PIEZO2: variants seen among roughly 807,000 people sequenced by gnomAD.
PIEZO2 encodes the protein piezo type mechanosensitive ion channel component 2.
In PIEZO2, 172 loss-of-function variants were observed where a neutral mutation model predicts 337.3. That is an observed-to-expected ratio of 0.51 (90% CI 0.45 to 0.58). The LOEUF (loss-of-function observed/expected upper bound fraction) is 0.58. PIEZO2 is among the 20% of genes least tolerant of loss of function. The pLI is 0.00. For missense variants in PIEZO2, 3,028 were observed against 3,391.3 expected, an observed-to-expected ratio of 0.89 and a Z score of 2.66; for synonymous variants, 1,251 against 1,228.5, an observed-to-expected ratio of 1.02 and a Z score of -0.38.
chr18:10,908,519 C>G (rs202196171), intron 4 of PIEZO2: 1 of 152,122 alleles, frequency 6.6e-6, no homozygotes, highest in Non-Finnish European at 1.5e-5. Context: ...AGAAAAAAGA[C>G]AAGCCATATA....
Position 11,078,054 on chromosome 18 carries a change from A to ACC in PIEZO2, c.65-11833_65-11832insGG, listed in dbSNP as rs1402195293. ...CACACACCCACACACACCCACACAC[A>ACC]CACACACACACACCACACACACAAA... On this transcript the variant is annotated intron_variant, in intron 1 of 55. Coordinates refer to ENST00000674853, the MANE Select transcript of PIEZO2 (RefSeq NM_001378183.1). The surrounding 1 kb of genome is among the most constrained non-coding windows in gnomAD (Gnocchi z 5.3). Among the ~76,000 whole-genome samples the ACC allele has an allele frequency of 6.6e-6, 1 of 151,090 alleles. No individual in the cohort carries two copies. Among genetic ancestry groups the ACC allele is most frequent in the Admixed American group, 6.6e-5 (1 of 15,134 alleles).
rs1202130151 is a variant in PIEZO2, at chr18:10,982,369, T to C, written c.161-2709A>G. ...CTTAAGACCGTTCTTGACAAAATTGTAAAAAAAAAATAGAAAAACAAATAA... is the reference window on the plus strand; with the variant it reads ...CTTAAGACCGTTCTTGACAAAATTGCAAAAAAAAAATAGAAAAACAAATAA... On this transcript the variant is annotated intron_variant, in intron 2 of 55. Transcript: ENST00000674853. The surrounding 1 kb of genome is among the most constrained non-coding windows in gnomAD (Gnocchi z 4.1). Among the ~76,000 whole-genome samples the C allele has an allele frequency of 6.7e-6, 1 of 148,568 alleles. No homozygotes were observed.
Position 10,943,440 on chromosome 18 carries a change from G to A in PIEZO2, c.287-32212C>T, listed in dbSNP as rs186118714. 1.6e-3 allele frequency among the ~76,000 whole-genome samples: 251 copies of A among 152,262 alleles called. No individual in the cohort carries two copies. The highest frequency in any genetic ancestry group is 3.4e-3 in the Middle Eastern group (1 of 294). ...ACATCGAGTCACAGGAGACCATTTC[G>A]GAGCTTTAAGATTTGACTGCCCTGC... is the stretch of plus-strand genomic sequence containing the variant. On this transcript the variant is annotated intron_variant, in intron 3 of 55. Transcript: ENST00000674853. The surrounding 1 kb of genome is among the most constrained non-coding windows in gnomAD (Gnocchi z 4.5).
rs2039353415 is a variant in PIEZO2, at chr18:11,099,602, G to A, written c.65-33380C>T. On this transcript the variant is annotated intron_variant, in intron 1 of 55. Coordinates refer to ENST00000674853, the MANE Select transcript of PIEZO2 (RefSeq NM_001378183.1). The surrounding 1 kb of genome is among the most constrained non-coding windows in gnomAD (Gnocchi z 5.4). Reference sequence around the variant, plus strand: ...TGGCCTTAGCCTCCCGAGTAGCGGGGATCACAGGTGCCTGCCACCATGCCT... The same window carrying A: ...TGGCCTTAGCCTCCCGAGTAGCGGGAATCACAGGTGCCTGCCACCATGCCT... Among the ~76,000 whole-genome samples, 1 of 152,214 alleles carries A rather than the reference G, an allele frequency of 6.6e-6. No homozygotes were observed. The highest frequency in any genetic ancestry group is 2.4e-5 in the African/African-American group (1 of 41,452).
intron 45 of PIEZO2, among the ~76,000 whole-genome samples, 194 bp downstream of exon 45, chr18:10,697,554 A>G (rs2035149093): frequency 6.6e-6 from 1 of 152,262 alleles, no homozygotes; most frequent in African/African-American, 2.4e-5. Context: ...AATGCAATGG[A>G]TATAAAATGA....
At chr18:10,918,391 T>C (rs1276192894) in intron 3 of PIEZO2, among the ~76,000 whole-genome samples, 1 of 152,138 alleles carries the variant, frequency 6.6e-6, no homozygotes, top group Non-Finnish European at 1.5e-5. Flanking sequence ...ATCATAAATA[T>C]CTAGATGGCA....
rs76618817 is a variant in PIEZO2 at position 10,954,088 on chromosome 18, T to G, written c.286+25447A>C. On this transcript the variant is annotated intron_variant, in intron 3 of 55. Transcript: ENST00000674853. This position sits in a 1 kb window ranked among gnomAD's most constrained non-coding sequence, Gnocchi z 4.2. ...GTGAAATTTTAGGCCTTACACTATA[T>G]AACTCAGTCTTGAAATCAGATAGTG... Among the ~76,000 whole-genome samples the G allele has an allele frequency of 0.098, 14,956 of 152,292 alleles. 929 individuals are homozygous for G. Among genetic ancestry groups the G allele is most frequent in the East Asian group, 0.18 (952 of 5,182 alleles).
rs965258875 is a variant in PIEZO2, at chr18:11,112,223, A to G, written c.64+36302T>C. On this transcript the variant is annotated intron_variant, in intron 1 of 55. Coordinates refer to ENST00000674853, the MANE Select transcript of PIEZO2 (RefSeq NM_001378183.1). This position sits in a 1 kb window ranked among gnomAD's most constrained non-coding sequence, Gnocchi z 4.3. ...TGTATCTACAGGATCAGATATTCGG[A>G]TATTTGTAAAGATAACGGTGACTTT... 1.3e-5 allele frequency among the ~76,000 whole-genome samples: 2 copies of G among 152,216 alleles called. No individual in the cohort carries two copies. The highest frequency in any genetic ancestry group is 6.5e-5 in the Admixed American group (1 of 15,278).
At position 10,716,134 on chromosome 18, in the gene PIEZO2, G is replaced by C. The variant is rs2036002474; in HGVS notation, c.5090-318C>G. The stretch of plus-strand genomic sequence containing the variant: ...ACAGCGTGGATCCACTCTACGCGTG[G>C]ATTGTTTTCAGTAAAAGTTACTCCA... On this transcript the variant is annotated intron_variant, in intron 37 of 55. Transcript: ENST00000674853. This position sits in a 1 kb window ranked among gnomAD's most constrained non-coding sequence, Gnocchi z 4.1. 6.6e-6 allele frequency among the ~76,000 whole-genome samples: 1 copy of C among 152,250 alleles called. No homozygotes were observed. The highest frequency in any genetic ancestry group is 2.4e-5 in the African/African-American group (1 of 41,534).
At chr18:10,957,469 G>C (rs1027184981) in intron 3 of PIEZO2, among the ~76,000 whole-genome samples, 1 of 150,386 alleles carries the variant, frequency 6.6e-6, no homozygotes, top group African/African-American at 2.4e-5. Context: ...ATTTCCACTT[G>C]CAGAAGAATG....
chr18:10,698,403 A>G (rs2035192429), intron 44 of PIEZO2, among the ~76,000 whole-genome samples: 1 of 152,154 alleles, frequency 6.6e-6, no homozygotes, highest in South Asian at 2.1e-4. Flanking sequence ...AGCTTCAGAC[A>G]GGAGCCCCAC....
chr18:10,679,608 C>G (rs1353659962), intron 52 of PIEZO2, among the ~76,000 whole-genome samples: 1 of 152,184 alleles, frequency 6.6e-6, no homozygotes, highest in Admixed American at 6.5e-5. Context: ...TGTGAAAGCA[C>G]GTGGCCAGTT....
At chr18:11,052,387 A>T (rs534640833) in intron 2 of PIEZO2, among the ~76,000 whole-genome samples, 10 of 152,322 alleles carry the variant, frequency 6.6e-5, no homozygotes, top group African/African-American at 2.4e-4. Flanking sequence ...GTGAGATCAC[A>T]TACATTCATC....
intron 2 of PIEZO2, among the ~76,000 whole-genome samples, chr18:10,999,164 C>G (rs2035444554): frequency 6.7e-6 from 1 of 149,992 alleles, no homozygotes. Flanking sequence ...CTCTGAGCCT[C>G]CTCAGTGGAA....
rs141569468 is a variant in PIEZO2, at chr18:11,143,892, A to G, written c.64+4633T>C. Among the ~76,000 whole-genome samples the G allele has an allele frequency of 4.6e-5, 7 of 152,362 alleles. No homozygotes were observed. The East Asian group carries it at 1.3e-3, about 29-fold the overall frequency. On this transcript the variant is annotated intron_variant, in intron 1 of 55. Transcript: ENST00000674853. This position sits in a 1 kb window ranked among gnomAD's most constrained non-coding sequence, Gnocchi z 4.9. ...GCTTTATACAAGGTGTGCTGTGCAC[A>G]CTATCTCACAACCATGCATGTAATT...
At position 11,035,830 on chromosome 18, in the gene PIEZO2, A is replaced by C. The variant is rs1251726407; in HGVS notation, c.160+30297T>G. 2.6e-5 allele frequency among the ~76,000 whole-genome samples: 4 copies of C among 152,226 alleles called. No homozygotes were observed. The highest frequency in any genetic ancestry group is 9.6e-5 in the African/African-American group (4 of 41,470). The stretch of plus-strand genomic sequence containing the variant: ...AATAATATGAAACTCTGACTCTTAA[A>C]GCCCATGGGTGTCTCCCCTAATGAA... On this transcript the variant is annotated intron_variant, in intron 2 of 55. Coordinates refer to ENST00000674853, the MANE Select transcript of PIEZO2 (RefSeq NM_001378183.1). The surrounding 1 kb of genome is among the most constrained non-coding windows in gnomAD (Gnocchi z 4.3).
intron 3 of PIEZO2, among the ~76,000 whole-genome samples, chr18:10,931,506 T>G (rs1367776355): frequency 6.6e-6 from 1 of 152,220 alleles, no homozygotes; most frequent in Non-Finnish European, 1.5e-5. Flanking sequence ...GCCTATCTAC[T>G]TATAATTTTA....
intron 4 of PIEZO2, among the ~76,000 whole-genome samples, chr18:10,900,840 T>C (rs2145000914): frequency 6.6e-6 from 1 of 152,278 alleles, no homozygotes; most frequent in Middle Eastern, 3.4e-3. Context: ...ACCACAACCT[T>C]CATTTTTGCC....
Position 10,862,786 on chromosome 18 carries a change from G to A in PIEZO2, c.493-5575C>T, listed in dbSNP as rs2041910264. 6.6e-6 allele frequency among the ~76,000 whole-genome samples: 1 copy of A among 152,194 alleles called. No homozygotes were observed. The highest frequency in any genetic ancestry group is 2.4e-5 in the African/African-American group (1 of 41,446). ...CTGAAGCAGCCCCTCCAGAATTCAG[G>A]CCCTGGCCGACATTGGCAACCACTG... On this transcript the variant is annotated intron_variant, in intron 5 of 55. Transcript: ENST00000674853. The surrounding 1 kb of genome is among the most constrained non-coding windows in gnomAD (Gnocchi z 4.4).
Sources: gnomAD v4.1 joint callset for allele counts (sites outside exome capture counted in the v4.1 genomes callset) on GRCh38, gnomAD v4.1.1 for gene constraint, Gnocchi (gnomAD v3.1) non-coding constraint, MANE v1.5 for transcripts, NCBI Gene and HGNC (gene_info 2026-07-23, HGNC 2026-07-21) for gene names.